The following EMC3 variants were observed in gnomAD, a reference collection of about 807,000 sequenced individuals.
The protein encoded by EMC3 is 30 kDa protein.
Under a neutral mutation model 36.6 loss-of-function variants are expected in EMC3, and 13 were observed. The observed-to-expected ratio is 0.35, with a 90% CI of 0.23 to 0.56. EMC3 has a LOEUF of 0.56. Ranked by LOEUF, EMC3 falls within the 20% of genes least tolerant of loss-of-function variation. EMC3 has a pLI of 0.84. For missense variants in EMC3, 220 were observed against 324.5 expected, an observed-to-expected ratio of 0.68 and a Z score of 2.47; for synonymous variants, 120 against 111.9, an observed-to-expected ratio of 1.07 and a Z score of -0.46.
chr3:9,971,378 T>C (rs1474225566), intron 5 of EMC3, among the ~76,000 whole-genome samples: 1 of 152,180 alleles, frequency 6.6e-6, no homozygotes, highest in Non-Finnish European at 1.5e-5. Flanking sequence ...TATGCTTGCA[T>C]ATAATAAAAA....
chr3:9,989,384 C>G (rs2124923898), upstream of EMC3, among the ~76,000 whole-genome samples: 1 of 152,268 alleles, frequency 6.6e-6, no homozygotes, highest in East Asian at 1.9e-4. Flanking sequence ...AACCCCGTCT[C>G]TACTAAAAAT....
At chr3:9,971,323 G>A (rs906775803) in intron 5 of EMC3, among the ~76,000 whole-genome samples, 1 of 152,128 alleles carries the variant, frequency 6.6e-6, no homozygotes, top group Non-Finnish European at 1.5e-5. Context: ...ATATCACTGA[G>A]GCTTCCTTTA....
Position 9,963,466 on chromosome 3 carries a change from T to TAG in EMC3, c.*602_*603insCT, listed in dbSNP as rs2085707030. 4.7e-5 allele frequency: 3 copies of TAG among 64,184 alleles called. No homozygotes were observed. Among genetic ancestry groups the TAG allele is most frequent in the East Asian group, 2.8e-4 (1 of 3,636 alleles). 4.0% of individuals were successfully genotyped at this position (64,184 alleles called of 1,614,324 possible). ...TTCTGCTAAGATAGATATATATATA[T>TAG]ATATATATATATTTTTTTTTTTTTT... On this transcript the variant is annotated 3_prime_UTR_variant, in exon 8 of 8. Transcript: ENST00000245046.
chr3:10,004,498 T>A (rs2086242580), intron 1 of EMC3: 2 of 152,300 alleles, frequency 1.3e-5, no homozygotes, highest in Non-Finnish European at 2.9e-5. Flanking sequence ...CCCTTCCTCC[T>A]GGGGATCCCA....
intron 1 of EMC3, chr3:10,004,905 A>G (rs1446094870): frequency 3.3e-5 from 5 of 152,272 alleles, no homozygotes; most frequent in Non-Finnish European, 7.3e-5. Context: ...GCTGTGCATC[A>G]CAGCATAGCT....
chr3:9,974,612 G>A, intron 3 of EMC3, 124 bp from the exon 4 acceptor site: 1 of 610,944 alleles, frequency 1.6e-6, no homozygotes, highest in Non-Finnish European at 2.9e-6. Context: ...AGGCTGGAGT[G>A]CAGTGGTGCG....
chr3:9,992,214 G>C (rs1205048844), intron 1 of EMC3, among the ~76,000 whole-genome samples: 1 of 152,042 alleles, frequency 6.6e-6, no homozygotes, highest in Admixed American at 6.6e-5. Flanking sequence ...TGCACCTCCC[G>C]GGTTCGAGTC....
At chr3:9,991,832 G>A (rs1009490639), upstream of EMC3, among the ~76,000 whole-genome samples, 8 of 152,170 alleles carry the variant, frequency 5.3e-5, no homozygotes, top group Non-Finnish European at 1.0e-4. Context: ...CCGTTTCGGG[G>A]CATGATTTCA....
chr3:9,965,066 A>T (rs2085723299), intron 7 of EMC3, among the ~76,000 whole-genome samples: 1 of 150,998 alleles, frequency 6.6e-6, no homozygotes, highest in Non-Finnish European at 1.5e-5. Flanking sequence ...TCTTTAGATG[A>T]GCCTAGAGAT....
rs367608519 is a variant in EMC3, at chr3:9,977,332, G to T, written c.213+57C>A. ...CCAGAGCCCCCTTATAAAACATTCA[G>T]ATATCTACTGCCCAACAGTGAATCG... On this transcript the variant is annotated intron_variant, in intron 2 of 7. Transcript: ENST00000245046. 44 of 1,505,838 alleles carry T rather than the reference G, an allele frequency of 2.9e-5. No homozygotes were observed. The African/African-American group carries it at 5.4e-4, about 19-fold the overall frequency. The allele number at this position is 1,505,838 out of a possible 1,614,324, so 93.3% of individuals were successfully genotyped here.
intron 1 of EMC3, chr3:10,007,405 G>A (rs2086275054): frequency 7.4e-7 from 1 of 1,350,494 alleles, no homozygotes; most frequent in Non-Finnish European, 9.9e-7. Flanking sequence ...GCTGGGGTCA[G>A]TGGCGGGGTG....
chr3:9,969,388 A>T, intron 7 of EMC3: 1 of 1,148,456 alleles, frequency 8.7e-7, no homozygotes, highest in South Asian at 2.0e-5. Context: ...TTTTTAATGC[A>T]ATTTATATCT....
At chr3:9,979,729 C>T (rs1039942126) in intron 1 of EMC3, among the ~76,000 whole-genome samples, 1 of 152,108 alleles carries the variant, frequency 6.6e-6, no homozygotes, top group Non-Finnish European at 1.5e-5. Flanking sequence ...GATGGTATTG[C>T]AAGAGTGCAT....
intron 1 of EMC3, among the ~76,000 whole-genome samples, chr3:9,980,491 G>A (rs991559055): frequency 2.7e-5 from 4 of 150,882 alleles, no homozygotes; most frequent in South Asian, 2.1e-4. Flanking sequence ...TTAGTCTCCC[G>A]AGTAGCTAGG....
chr3:9,990,427 C>T (rs532955899), upstream of EMC3, among the ~76,000 whole-genome samples: 17 of 149,584 alleles, frequency 1.1e-4, no homozygotes, highest in Non-Finnish European at 1.8e-4. Flanking sequence ...CTCAAACACC[C>T]GGGTTCAAGC....
intron 4 of EMC3, 113 bp from the exon 5 acceptor site, chr3:9,973,822 C>A (rs979052178): frequency 3.2e-6 from 3 of 940,374 alleles, no homozygotes; most frequent in Non-Finnish European, 5.1e-6. Flanking sequence ...TGGAAAACGA[C>A]TTCCACAAGG....
rs1272926427 is a variant in EMC3, at chr3:9,972,659, A to C, written c.494+969T>G. On this transcript the variant is annotated intron_variant, in intron 5 of 7. Coordinates refer to ENST00000245046, the MANE Select transcript of EMC3 (RefSeq NM_001394674.1). ...GGTGGTGCACACCTGTAATCCAAGT[A>C]CTCGGGAGGCTGAGGCAGGAGAATC... Among the ~76,000 whole-genome samples, 4 of 151,134 alleles carry C rather than the reference A, an allele frequency of 2.6e-5. No homozygotes were observed. In the East Asian group the frequency reaches 7.9e-4, roughly 30 times the overall value.
chr3:9,967,206 G>A (rs950552613), intron 7 of EMC3, among the ~76,000 whole-genome samples: 2 of 151,938 alleles, frequency 1.3e-5, no homozygotes, highest in African/African-American at 4.8e-5. Flanking sequence ...ACAGGGTCTC[G>A]CTCTGTCACC....
chr3:10,006,059 C>T (rs959053906), intron 1 of EMC3, among the ~76,000 whole-genome samples: 9 of 152,182 alleles, frequency 5.9e-5, no homozygotes, highest in Admixed American at 3.3e-4. Context: ...GAAGCCAGAT[C>T]GGGGAAGCCA....
Sources: gnomAD v4.1 joint callset for allele counts (sites outside exome capture counted in the v4.1 genomes callset) on GRCh38, gnomAD v4.1.1 for gene constraint, MANE v1.5 for transcripts, NCBI Gene and HGNC (gene_info 2026-07-23, HGNC 2026-07-21) for gene names.